The following WWOX variants were observed in gnomAD, a reference collection of about 807,000 sequenced individuals.
WWOX encodes the protein WW domain-containing oxidoreductase.
WWOX carries 69 observed loss-of-function variants against 46.2 expected under a neutral mutation model. That is an observed-to-expected ratio of 1.49 (90% CI 1.23 to 1.82). The LOEUF (loss-of-function observed/expected upper bound fraction) is 1.82. WWOX is among the 40% of genes most tolerant of loss of function. The pLI is 0.00. For synonymous variants in WWOX, 359 were observed against 202.6 expected, an observed-to-expected ratio of 1.77 and a Z score of -6.56; for missense variants, 919 against 542.6, an observed-to-expected ratio of 1.69 and a Z score of -6.89.
chr16:79,210,907 A>AT (rs2051712396), intron 8 of WWOX, among the ~76,000 whole-genome samples: 1 of 152,188 alleles, frequency 6.6e-6, no homozygotes, highest in Non-Finnish European at 1.5e-5. Flanking sequence ...CTGGGAGGAA[A>AT]TGTACCCCCT....
intron 5 of WWOX, among the ~76,000 whole-genome samples, chr16:78,242,708 A>T (rs1332393350): frequency 6.6e-6 from 1 of 152,206 alleles, no homozygotes; most frequent in South Asian, 2.1e-4. Flanking sequence ...AGCAGAAAGA[A>T]TAAGAGATAT....
chr16:78,851,181 T>C (rs2052434244), intron 8 of WWOX, among the ~76,000 whole-genome samples: 2 of 152,206 alleles, frequency 1.3e-5, no homozygotes, highest in Admixed American at 6.5e-5. Flanking sequence ...TTAGACTTTG[T>C]GAGCCCACTA....
At chr16:79,124,092 C>G (rs375735262) in intron 8 of WWOX, among the ~76,000 whole-genome samples, 1 of 151,600 alleles carries the variant, frequency 6.6e-6, no homozygotes, top group African/African-American at 2.4e-5. Context: ...TCTGAAAGCC[C>G]TCCTGATTAA....
intron 8 of WWOX, among the ~76,000 whole-genome samples, chr16:79,065,906 G>C (rs2048432528): frequency 6.6e-6 from 1 of 152,182 alleles, no homozygotes; most frequent in Non-Finnish European, 1.5e-5. Context: ...TCATTCTCAT[G>C]ACCATTGCTC....
chr16:78,383,538 G>C (rs912251010), intron 5 of WWOX, among the ~76,000 whole-genome samples: 6 of 152,102 alleles, frequency 3.9e-5, no homozygotes, highest in African/African-American at 1.4e-4. Context: ...TTCACCTCTC[G>C]AAAAGGGGTT....
intron 8 of WWOX, among the ~76,000 whole-genome samples, chr16:78,837,261 A>G (rs1413360667): frequency 3.3e-5 from 5 of 152,184 alleles, no homozygotes; most frequent in Non-Finnish European, 7.4e-5. Flanking sequence ...CGGTTCATAG[A>G]GATTACCTTT....
At chr16:78,169,973 T>C (rs933466322) in intron 5 of WWOX, among the ~76,000 whole-genome samples, 1 of 152,062 alleles carries the variant, frequency 6.6e-6, no homozygotes, top group African/African-American at 2.4e-5. Context: ...CTGCTGGACA[T>C]TGAGATGGCC....
intron 5 of WWOX, among the ~76,000 whole-genome samples, chr16:78,370,872 T>A (rs906669111): frequency 7.9e-5 from 12 of 151,720 alleles, no homozygotes; most frequent in African/African-American, 2.9e-4. Flanking sequence ...TATTTCTGTT[T>A]CATTGAGATG....
At chr16:78,321,295 TATATATACGTATATATATGC>T (rs2080464017) in intron 5 of WWOX, among the ~76,000 whole-genome samples, 1 of 90,370 alleles carries the variant, frequency 1.1e-5, no homozygotes, top group African/African-American at 3.5e-5. Flanking sequence ...TATATACGTA[TATATATACGTATATATATGC>T]GTATATATAT....
intron 8 of WWOX, among the ~76,000 whole-genome samples, chr16:79,209,655 A>AAAAC (rs769458489): frequency 4.6e-5 from 7 of 152,218 alleles, no homozygotes; most frequent in Non-Finnish European, 8.8e-5. Flanking sequence ...AAGTTGATAC[A>AAAAC]AAACACCATC....
chr16:78,109,834 GAGTA>G lies in WWOX; in HGVS notation c.230+3_230+6del, dbSNP rs1418520450. On this transcript the variant is annotated splice_donor_variant and splice_donor_region_variant and coding_sequence_variant and intron_variant, in exon 3 of 9. Transcript: ENST00000566780. LOFTEE classifies it high-confidence loss of function. Reference sequence around the variant, plus strand: ...TGAGAACGGACAAGTGTTTTTTGTTGAGTAAGTGTCTGCAAAGAAACCACTCTCA... The same window carrying G: ...TGAGAACGGACAAGTGTTTTTTGTTGAGTGTCTGCAAAGAAACCACTCTCA... 1.2e-6 allele frequency: 2 copies of G among 1,613,976 alleles called. No homozygotes were observed. Among genetic ancestry groups the G allele is most frequent in the South Asian group, 1.1e-5 (1 of 91,080 alleles).
intron 8 of WWOX, among the ~76,000 whole-genome samples, chr16:78,703,551 T>C (rs2048269869): frequency 6.6e-6 from 1 of 151,990 alleles, no homozygotes; most frequent in Non-Finnish European, 1.5e-5. Context: ...TCCAGGAGTT[T>C]GAGGCTGTAG....
chr16:78,694,567 A>G (rs906712654), intron 8 of WWOX, among the ~76,000 whole-genome samples: 4 of 152,208 alleles, frequency 2.6e-5, no homozygotes, highest in Non-Finnish European at 4.4e-5. Context: ...CATGGTGTGT[A>G]TATTGAACAC....
chr16:79,020,636 A>G (rs1188474340), intron 8 of WWOX, among the ~76,000 whole-genome samples: 1 of 152,172 alleles, frequency 6.6e-6, no homozygotes, highest in Non-Finnish European at 1.5e-5. Flanking sequence ...GCGATGGGGA[A>G]GGGGACATTT....
chr16:78,443,166 G>A (rs953590687), intron 8 of WWOX, among the ~76,000 whole-genome samples: 1 of 148,582 alleles, frequency 6.7e-6, no homozygotes, highest in African/African-American at 2.5e-5. Context: ...AAGGCTGTGT[G>A]TGGTGACTCG....
At chr16:79,142,121 C>T (rs1157831111) in intron 8 of WWOX, among the ~76,000 whole-genome samples, 2 of 152,118 alleles carry the variant, frequency 1.3e-5, no homozygotes, top group African/African-American at 4.8e-5. Context: ...TTTATTTATT[C>T]TTTTCACAGA....
At chr16:78,849,847 C>A (rs1373577675) in intron 8 of WWOX, among the ~76,000 whole-genome samples, 2 of 151,914 alleles carry the variant, frequency 1.3e-5, no homozygotes, top group Non-Finnish European at 2.9e-5. Flanking sequence ...CCGAGGTGGT[C>A]AGATCACCTA....
At chr16:78,612,667 G>C (rs1411316685) in intron 8 of WWOX, among the ~76,000 whole-genome samples, 1 of 152,150 alleles carries the variant, frequency 6.6e-6, no homozygotes, top group Non-Finnish European at 1.5e-5. Context: ...TAGAGACAGA[G>C]ACTTGCTGTG....
chr16:78,368,039 G>A (rs974506390), intron 5 of WWOX, among the ~76,000 whole-genome samples: 7 of 152,196 alleles, frequency 4.6e-5, no homozygotes, highest in Non-Finnish European at 8.8e-5. Flanking sequence ...TTACAGGTGT[G>A]AGCCTCTGTG....
Sources: allele counts gnomAD v4.1 joint callset (sites outside exome capture counted in the v4.1 genomes callset), GRCh38; gene constraint gnomAD v4.1.1; transcripts MANE v1.5; gene names NCBI Gene and HGNC (gene_info 2026-07-23, HGNC 2026-07-21).